Variants in LARGE1 observed in about 807,000 individuals in gnomAD.
The protein encoded by LARGE1 is xylosyl- and glucuronyltransferase LARGE1.
LARGE1 carries 43 observed loss-of-function variants against 87.6 expected under a neutral mutation model. The observed-to-expected ratio is 0.49, with a 90% confidence interval of 0.38 to 0.63. The LOEUF is 0.63. Ranked by LOEUF, LARGE1 falls within the 30% of genes least tolerant of loss-of-function variation. LARGE1 has a pLI of 0.00. For synonymous variants in LARGE1, 434 were observed against 394.6 expected (o/e 1.10, Z -1.18); for missense variants, 802 against 1,000.2 (o/e 0.80, Z 2.67).
At position 33,801,826 on chromosome 22, in the gene LARGE1, T is replaced by C. The variant is rs1367851077; in HGVS notation, c.-82-40268A>G. Among the ~76,000 whole-genome samples the C allele has an allele frequency of 4.6e-5, 7 of 152,192 alleles. 1 individual carries two copies. The highest frequency in any genetic ancestry group is 1.0e-4 in the Non-Finnish European group (7 of 68,034). ...TGATACCCCCCGCTTCCCCAGTGACTAGTTTCCTCATATGTAACACAGGGA... is the reference window on the plus strand; with the variant it reads ...TGATACCCCCCGCTTCCCCAGTGACCAGTTTCCTCATATGTAACACAGGGA... On this transcript the variant is annotated intron_variant, in intron 1 of 14. Transcript: ENST00000397394.
intron 7 of LARGE1, among the ~76,000 whole-genome samples, chr22:33,413,794 C>G (rs980356792): frequency 6.6e-6 from 1 of 152,134 alleles, no homozygotes; most frequent in African/African-American, 2.4e-5. Flanking sequence ...CTGCCCACTG[C>G]CCTCTTGAAC....
intron 5 of LARGE1, among the ~76,000 whole-genome samples, chr22:33,579,812 C>G (rs2078461154): frequency 6.6e-6 from 1 of 152,154 alleles, no homozygotes; most frequent in Non-Finnish European, 1.5e-5. Flanking sequence ...GCCTGAGGTA[C>G]ACAACAATTG....
At chr22:33,644,084 C>G (rs982025462) in intron 3 of LARGE1, among the ~76,000 whole-genome samples, 1 of 152,142 alleles carries the variant, frequency 6.6e-6, no homozygotes, top group Admixed American at 6.5e-5. Flanking sequence ...ACCCTAACAC[C>G]AAAACCTGGC....
intron 1 of LARGE1, among the ~76,000 whole-genome samples, chr22:33,915,555 G>C (rs563946538): frequency 6.6e-6 from 1 of 152,212 alleles, no homozygotes; most frequent in African/African-American, 2.4e-5. Context: ...GGGTTGATAA[G>C]GGACCCTTTC....
At chr22:33,087,177 T>C in the LARGE1 span, among the ~76,000 whole-genome samples, 1 of 152,074 alleles carries the variant, frequency 6.6e-6, no homozygotes, top group African/African-American at 2.4e-5. Flanking sequence ...TCTCTTATTT[T>C]TTTTCCATTC....
At chr22:33,739,232 C>T (rs1158319745) in intron 2 of LARGE1, among the ~76,000 whole-genome samples, 1 of 152,044 alleles carries the variant, frequency 6.6e-6, no homozygotes, top group Non-Finnish European at 1.5e-5. Context: ...GCTGTTGGTG[C>T]ACACCGGCAG....
exon 12 of LARGE1, chr22:33,164,701 TAG>T: frequency 6.6e-6 from 1 of 152,034 alleles, no homozygotes; most frequent in Non-Finnish European, 1.5e-5. Context: ...TATTTTTAAA[TAG>T]AGACAGGGTT....
chr22:33,714,445 T>C (rs538249178), intron 2 of LARGE1, among the ~76,000 whole-genome samples: 190 of 152,176 alleles, frequency 1.2e-3, no homozygotes, highest in Non-Finnish European at 2.0e-3. Context: ...TACACTCACT[T>C]AGTAGAATTA....
At chr22:33,265,700 A>G (rs2145761951) in intron 11 of LARGE1, among the ~76,000 whole-genome samples, 1 of 152,184 alleles carries the variant, frequency 6.6e-6, no homozygotes, top group Admixed American at 6.5e-5. Context: ...TTGGACCCCC[A>G]GCAACTATTT....
rs939368389 is a variant in LARGE1 at position 33,344,325 on chromosome 22, T to C, written c.1132-6524A>G. 3.9e-5 allele frequency among the ~76,000 whole-genome samples: 6 copies of C among 152,318 alleles called. No homozygotes were observed. In the South Asian group the frequency reaches 6.2e-4, roughly 16 times the overall value. On this transcript the variant is annotated intron_variant, in intron 9 of 14. Coordinates refer to ENST00000397394, the MANE Select transcript of LARGE1 (RefSeq NM_133642.5). ...TTGTGCCAGACACTGATCTGGGGGC[T>C]GTGAATGCAGAGATACACACAAGAG...
In LARGE1 at chr22:33,537,474, TG is replaced by T. The variant is rs373247802; in HGVS notation, c.787+27373del. Reference sequence around the variant, plus strand: ...CTCTTCCAAGAACACTCATTCTATTTGGGGGTCACCTGTATAGTCCAGGATA... The same window carrying T: ...CTCTTCCAAGAACACTCATTCTATTTGGGGTCACCTGTATAGTCCAGGATA... On this transcript the variant is annotated intron_variant, in intron 6 of 14. Coordinates refer to ENST00000397394, the MANE Select transcript of LARGE1 (RefSeq NM_133642.5). Among the ~76,000 whole-genome samples the T allele has an allele frequency of 5.9e-3, 902 of 152,272 alleles. 5 individuals are homozygous for T. Among genetic ancestry groups the T allele is most frequent in the African/African-American group, 0.02 (839 of 41,562 alleles).
chr22:33,162,419 G>C (rs1922061444), exon 12 of LARGE1: 1 of 152,132 alleles, frequency 6.6e-6, no homozygotes, highest in Non-Finnish European at 1.5e-5. Flanking sequence ...GAACAGCACG[G>C]GGGTAACTGC....
At chr22:33,268,307 A>G (rs1928061663), downstream of LARGE1, among the ~76,000 whole-genome samples, 1 of 151,262 alleles carries the variant, frequency 6.6e-6, no homozygotes, top group South Asian at 2.1e-4. Context: ...TTCTCCTTGC[A>G]TATCTGAGAA....
intron 4 of LARGE1, among the ~76,000 whole-genome samples, chr22:33,607,278 A>G (rs536528888): frequency 6.6e-6 from 1 of 152,184 alleles, no homozygotes; most frequent in South Asian, 2.1e-4. Context: ...CCTGACCAAC[A>G]TGGCGAAACC....
At chr22:33,334,409 CAAA>C in intron 10 of LARGE1, among the ~76,000 whole-genome samples, 1 of 39,072 alleles carries the variant, frequency 2.6e-5, no homozygotes, top group East Asian at 6.4e-4. Flanking sequence ...GACTCTGTCT[CAAA>C]AAAAAAAAAA....
rs146479111 is a variant in LARGE1 at position 33,744,899 on chromosome 22, T to C, written c.106+16472A>G. Among the ~76,000 whole-genome samples the C allele has an allele frequency of 7.2e-4, 110 of 152,272 alleles. 1 individual carries two copies. The highest frequency in any genetic ancestry group is 2.5e-3 in the African/African-American group (104 of 41,556). ...CAGGTTGGGACCTAGGGCAAGTTTC[T>C]CAACATCCTGCACCTGCCTTTCCCT... On this transcript the variant is annotated intron_variant, in intron 2 of 14. Coordinates refer to ENST00000397394, the MANE Select transcript of LARGE1 (RefSeq NM_133642.5).
At chr22:33,292,743 G>C (rs998409990) in intron 12 of LARGE1, among the ~76,000 whole-genome samples, 4 of 152,150 alleles carry the variant, frequency 2.6e-5, no homozygotes, top group African/African-American at 9.7e-5. Flanking sequence ...TGGCATGCCA[G>C]TTTGAAGGGA....
chr22:33,090,097 T>C, the LARGE1 span, among the ~76,000 whole-genome samples: 1 of 152,086 alleles, frequency 6.6e-6, no homozygotes, highest in South Asian at 2.1e-4. Context: ...TCCCAGCTAC[T>C]CAGGAGGCTG....
At chr22:33,187,752 A>T (rs1923554498) in intron 11 of LARGE1, among the ~76,000 whole-genome samples, 1 of 151,410 alleles carries the variant, frequency 6.6e-6, no homozygotes, top group Admixed American at 6.6e-5. Flanking sequence ...TCCTGTCTCT[A>T]CGAAACAAAA....
Sources: allele counts gnomAD v4.1 joint callset (sites outside exome capture counted in the v4.1 genomes callset), GRCh38; gene constraint gnomAD v4.1.1; transcripts MANE v1.5; gene names NCBI Gene and HGNC (gene_info 2026-07-23, HGNC 2026-07-21).